The following LMCD1 variants were observed in gnomAD, a reference collection of about 807,000 sequenced individuals.
LMCD1 encodes LIM and cysteine-rich domains protein 1.
A neutral mutation model predicts 42.7 loss-of-function variants in LMCD1; 32 were observed. The observed-to-expected ratio is 0.75, with a 90% CI of 0.57 to 1.01. The LOEUF (loss-of-function observed/expected upper bound fraction) is 1.01, where lower values mean the gene tolerates loss of function less well. Ranked by LOEUF, LMCD1 falls within the 50% of genes least tolerant of loss-of-function variation. LMCD1 has a pLI of 0.00. For missense variants in LMCD1, 458 were observed against 483.1 expected (o/e 0.95, Z 0.49); for synonymous variants, 178 against 184.9 (o/e 0.96, Z 0.30).
At chr3:8,551,220 T>A in intron 4 of LMCD1, 1 of 985,012 alleles carries the variant, frequency 1.0e-6, no homozygotes, top group Non-Finnish European at 1.2e-6. Context: ...CTTGTTCATC[T>A]CTTTATTTGC....
chr3:8,529,513 G>C (rs1317851350), intron 1 of LMCD1, among the ~76,000 whole-genome samples: 2 of 152,152 alleles, frequency 1.3e-5, no homozygotes, highest in Admixed American at 1.3e-4. Context: ...GGCTTTCTTT[G>C]TGCTTGTTGA....
Position 8,553,585 on chromosome 3 carries a change from A to C in LMCD1, c.723+4682A>C, listed in dbSNP as rs925433248. Among the ~76,000 whole-genome samples the C allele has an allele frequency of 1.6e-4, 24 of 151,956 alleles. No individual in the cohort carries two copies. In the East Asian group the frequency reaches 4.1e-3, roughly 26 times the overall value. Reference sequence around the variant, plus strand: ...ATCTGACCCCACCCCCAGCTTCCCAACCCCAGGCCAGCAGACGGGCCCTAC... The same window carrying C: ...ATCTGACCCCACCCCCAGCTTCCCACCCCCAGGCCAGCAGACGGGCCCTAC... On this transcript the variant is annotated intron_variant, in intron 4 of 5. Coordinates refer to ENST00000157600, the MANE Select transcript of LMCD1 (RefSeq NM_014583.4).
chr3:8,555,193 C>A (rs114277961), intron 4 of LMCD1, among the ~76,000 whole-genome samples: 3 of 152,258 alleles, frequency 2.0e-5, no homozygotes, highest in African/African-American at 7.2e-5. Context: ...CCCTCCCCCC[C>A]GCCAAAGGTC....
rs557787705 is a variant in LMCD1 at position 8,514,104 on chromosome 3, GATAC to G, written c.42+12144_42+12147del. Among the ~76,000 whole-genome samples the G allele has an allele frequency of 5.4e-3, 812 of 151,546 alleles. 5 individuals are homozygous for G. The highest frequency in any genetic ancestry group is 6.8e-3 in the African/African-American group (280 of 41,328). ...TATATAGATAGATGATTGATAGATA[GATAC>G]ATACATACATACATACATAGAGAGA... On this transcript the variant is annotated intron_variant, in intron 1 of 5. Transcript: ENST00000157600.
At chr3:8,567,345 T>A in intron 5 of LMCD1, 95 bp from the exon 6 acceptor site, 1 of 1,264,126 alleles carries the variant, frequency 7.9e-7, no homozygotes, top group Non-Finnish European at 1.1e-6. Flanking sequence ...AAGAATAGGA[T>A]GGGATGAACC....
intron 4 of LMCD1, among the ~76,000 whole-genome samples, chr3:8,560,444 A>G (rs1202146381): frequency 1.3e-5 from 2 of 151,884 alleles, no homozygotes; most frequent in Admixed American, 6.6e-5. Context: ...GTGCATTTCT[A>G]TCCCTCTCCC....
At position 8,537,496 on chromosome 3, in the gene LMCD1, A is replaced by T. The variant is rs112055735; in HGVS notation, c.387+56A>T. The T allele has an allele frequency of 1.6e-5, 24 of 1,482,796 alleles. No individual in the cohort carries two copies. In the African/African-American group the frequency reaches 2.1e-4, roughly 13 times the overall value. 91.9% of individuals were successfully genotyped at this position (1,482,796 alleles called of 1,614,324 possible). A position where few individuals can be genotyped will look rare whatever the true frequency, so the allele number is the denominator to read the frequency against. The stretch of plus-strand genomic sequence containing the variant: ...TTTCCTATCCTCATAAATACTAGCC[A>T]TGTCAAGTGTTTCTGAATTTCAAAC... On this transcript the variant is annotated intron_variant, in intron 3 of 5. Transcript: ENST00000157600.
intron 1 of LMCD1, among the ~76,000 whole-genome samples, chr3:8,508,334 A>C (rs1158497068): frequency 1.3e-5 from 2 of 152,122 alleles, no homozygotes; most frequent in Non-Finnish European, 2.9e-5. Context: ...CTGGGCCCCC[A>C]CCGGGACATG....
chr3:8,535,910 C>T (rs1033801761), intron 2 of LMCD1, among the ~76,000 whole-genome samples: 2 of 152,188 alleles, frequency 1.3e-5, no homozygotes, highest in African/African-American at 2.4e-5. Context: ...TCCCTGGCCT[C>T]TACCCACCAG....
intron 1 of LMCD1, among the ~76,000 whole-genome samples, chr3:8,528,258 A>G (rs994517266): frequency 1.1e-4 from 17 of 152,124 alleles, no homozygotes; most frequent in Admixed American, 3.9e-4. Flanking sequence ...GCGTGGTCAT[A>G]GCTCACTGCA....
rs565617644 is a variant in LMCD1, at chr3:8,550,143, G to T, written c.723+1240G>T. The T allele has an allele frequency of 4.4e-6, 6 of 1,361,098 alleles. No homozygotes were observed. The African/African-American group carries it at 8.8e-5, about 20-fold the overall frequency. The allele number at this position is 1,361,098 out of a possible 1,614,324, so 84.3% of individuals were successfully genotyped here. ...AAGGAGAAGCCAGAGTTGGGGAGAT[G>T]AAAGCCTCATGGCTTGGTTTGTCTT... On this transcript the variant is annotated intron_variant, in intron 4 of 5. Transcript: ENST00000157600.
intron 1 of LMCD1, among the ~76,000 whole-genome samples, chr3:8,519,654 A>T (rs1332918769): frequency 6.6e-6 from 1 of 152,034 alleles, no homozygotes; most frequent in East Asian, 1.9e-4. Flanking sequence ...GTACAATTAG[A>T]TCATTATGCA....
chr3:8,512,934 G>A (rs1340560746), intron 1 of LMCD1, among the ~76,000 whole-genome samples: 4 of 152,120 alleles, frequency 2.6e-5, no homozygotes, highest in Non-Finnish European at 4.4e-5. Flanking sequence ...GGCCTTTCAA[G>A]TTCAGAAAGA....
chr3:8,557,597 C>A (rs75125741), intron 4 of LMCD1, among the ~76,000 whole-genome samples: 3,978 of 152,214 alleles, frequency 0.026, 75 homozygotes, highest in African/African-American at 0.059. Flanking sequence ...TTCAGTCCTT[C>A]GAGACAGTTC....
In LMCD1 at chr3:8,549,560, C is replaced by G. The variant is rs367956882; in HGVS notation, c.723+657C>G. Reference sequence around the variant, plus strand: ...CAGAATGCCATGAACTTAGTTAGGACTTTATTCCAAAGGTCATAGACAGGC... The same window carrying G: ...CAGAATGCCATGAACTTAGTTAGGAGTTTATTCCAAAGGTCATAGACAGGC... On this transcript the variant is annotated intron_variant, in intron 4 of 5. Transcript: ENST00000157600. Among the ~76,000 whole-genome samples the G allele has an allele frequency of 9.2e-5, 14 of 152,312 alleles. No homozygotes were observed. In the East Asian group the frequency reaches 2.5e-3, roughly 27 times the overall value.
chr3:8,540,196 C>T (rs555445585), intron 3 of LMCD1, among the ~76,000 whole-genome samples: 4 of 151,906 alleles, frequency 2.6e-5, no homozygotes, highest in African/African-American at 7.3e-5. Context: ...TTTTAATTAC[C>T]GAATGATCAA....
chr3:8,529,000 A>C (rs1211634511), intron 1 of LMCD1, among the ~76,000 whole-genome samples: 1 of 152,224 alleles, frequency 6.6e-6, no homozygotes, highest in East Asian at 1.9e-4. Flanking sequence ...AGGACAGATT[A>C]GATGCTGCAT....
Position 8,501,848 on chromosome 3 carries a change from G to A in LMCD1, c.-91G>A. On this transcript the variant is annotated 5_prime_UTR_variant, in exon 1 of 6. Coordinates refer to ENST00000157600, the MANE Select transcript of LMCD1 (RefSeq NM_014583.4). ...GCACAGAGCTCCCTCCCAGGCCCGC[G>A]AACTTGGCCATTCAGCCGCCGCTGT... 3.4e-6 allele frequency: 4 copies of A among 1,187,616 alleles called. No individual in the cohort carries two copies. The highest frequency in any genetic ancestry group is 4.8e-6 in the Non-Finnish European group (4 of 832,786). The allele number at this position is 1,187,616 out of a possible 1,614,324, so 73.6% of individuals were successfully genotyped here.
intron 2 of LMCD1, 77 bp downstream of exon 2, chr3:8,532,902 T>C (rs907027594): frequency 4.3e-5 from 51 of 1,192,666 alleles, no homozygotes; most frequent in Non-Finnish European, 6.2e-5. Context: ...GGTTGCTTTC[T>C]TCGCTGAGAC....
Sources: gnomAD v4.1 joint callset for allele counts (sites outside exome capture counted in the v4.1 genomes callset) on GRCh38, gnomAD v4.1.1 for gene constraint, MANE v1.5 for transcripts, NCBI Gene and HGNC (gene_info 2026-07-23, HGNC 2026-07-21) for gene names.